SYNE1: variants seen among roughly 807,000 people sequenced by gnomAD.
The protein encoded by SYNE1 is nesprin-1.
A neutral mutation model predicts 1,111.0 loss-of-function variants in SYNE1; 616 were observed. That is an observed-to-expected ratio of 0.55 (90% confidence interval 0.52 to 0.59). SYNE1 has a LOEUF of 0.59. Among genes scored for constraint, SYNE1 ranks in the 20% least tolerant of loss-of-function variants. The probability of loss-of-function intolerance (pLI) is 0.00; values close to 1 mark genes in which losing one functional copy is unlikely to be tolerated. For missense variants in SYNE1, 10,006 were observed against 10,417.0 expected, an observed-to-expected ratio of 0.96 and a Z score of 1.72; for synonymous variants, 3,855 against 3,825.8, an observed-to-expected ratio of 1.01 and a Z score of -0.28.
chr6:152,133,216 A>C (rs2056275767), intron 143 of SYNE1, 60 bp downstream of exon 143: 1 of 1,474,542 alleles, frequency 6.8e-7, no homozygotes, highest in African/African-American at 1.4e-5. Flanking sequence ...ATGCATGAAG[A>C]TGATGCTTCT....
At chr6:152,379,575 C>T (rs756328210) in intron 56 of SYNE1, among the ~76,000 whole-genome samples, 1 of 152,078 alleles carries the variant, frequency 6.6e-6, no homozygotes, top group African/African-American at 2.4e-5. Context: ...CTTACATATT[C>T]ATTGTGATAG....
intron 140 of SYNE1, 94 bp downstream of exon 140, chr6:152,139,856 T>C: frequency 7.4e-7 from 1 of 1,346,684 alleles, no homozygotes; most frequent in Non-Finnish European, 1.1e-6. Context: ...TCTGCTGCTG[T>C]GTAAGAGCAG....
At chr6:152,539,138 T>C (rs2099257841) in intron 4 of SYNE1, among the ~76,000 whole-genome samples, 2 of 152,186 alleles carry the variant, frequency 1.3e-5, no homozygotes, top group African/African-American at 4.8e-5. Flanking sequence ...AATTTGAAGA[T>C]AAAATTGTTT....
At chr6:152,156,544 T>C (rs1055775038) in intron 131 of SYNE1, among the ~76,000 whole-genome samples, 11 of 152,186 alleles carry the variant, frequency 7.2e-5, no homozygotes, top group African/African-American at 2.7e-4. Context: ...AGTATTTGCA[T>C]ACCTCCTACA....
intron 5 of SYNE1, among the ~76,000 whole-genome samples, chr6:152,525,110 G>T (rs1405700): frequency 0.047 from 7,179 of 152,198 alleles, 233 homozygotes; most frequent in Non-Finnish European, 0.066. Flanking sequence ...TCTGCTACCT[G>T]GGAATCCAAT....
rs1299437105 is a variant in SYNE1 at position 152,230,714 on chromosome 6, C to T, written c.21040-12G>A. ...TCCAACAGCTGGATCTGAACAAACA[C>T]AATAAAATGAAATTTGCAACTTTAT... On this transcript the variant is annotated splice_polypyrimidine_tract_variant and intron_variant, in intron 114 of 145. Coordinates refer to ENST00000367255, the MANE Select transcript of SYNE1 (RefSeq NM_182961.4). 1.5e-5 allele frequency: 25 copies of T among 1,613,374 alleles called. No homozygotes were observed. Among genetic ancestry groups the T allele is most frequent in the Non-Finnish European group, 2.1e-5 (25 of 1,179,664 alleles).
intron 143 of SYNE1, among the ~76,000 whole-genome samples, chr6:152,132,947 A>T (rs1447200468): frequency 1.3e-5 from 2 of 152,090 alleles, no homozygotes; most frequent in African/African-American, 4.8e-5. Flanking sequence ...CTCAGATACA[A>T]CAATTGGTTT....
intron 48 of SYNE1, among the ~76,000 whole-genome samples, chr6:152,398,957 C>T (rs1357176200): frequency 1.3e-5 from 2 of 152,142 alleles, no homozygotes; most frequent in Non-Finnish European, 2.9e-5. Context: ...AGAGGAAAGA[C>T]TAAAAAGAAA....
chr6:152,190,594 C>A (rs150634175), intron 127 of SYNE1, among the ~76,000 whole-genome samples: 4 of 152,090 alleles, frequency 2.6e-5, no homozygotes, highest in Non-Finnish European at 5.9e-5. Context: ...TCCATTTATA[C>A]CCTTTTATTT....
chr6:152,629,522 C>CGGGGGT (rs2099693512), intron 2 of SYNE1, among the ~76,000 whole-genome samples: 1 of 6,138 alleles, frequency 1.6e-4, no homozygotes. Flanking sequence ...GTTTCATTGC[C>CGGGGGT]GGGGGGGGGG....
intron 78 of SYNE1, among the ~76,000 whole-genome samples, chr6:152,327,548 C>T (rs2096109832): frequency 6.6e-6 from 1 of 152,072 alleles, no homozygotes; most frequent in Non-Finnish European, 1.5e-5. Context: ...ACTGTGCAAG[C>T]GAAGATGCAT....
chr6:152,604,579 C>T (rs1173327180), intron 3 of SYNE1, among the ~76,000 whole-genome samples: 1 of 152,108 alleles, frequency 6.6e-6, no homozygotes, highest in African/African-American at 2.4e-5. Context: ...GCTAGAATTA[C>T]AGGCATGAGC....
At chr6:152,184,266 T>C (rs913087944) in intron 128 of SYNE1, among the ~76,000 whole-genome samples, 1 of 151,962 alleles carries the variant, frequency 6.6e-6, no homozygotes, top group African/African-American at 2.4e-5. Flanking sequence ...TGAAACCACA[T>C]CACTATTAAA....
chr6:152,461,374 T>C (rs1166391364), intron 21 of SYNE1, among the ~76,000 whole-genome samples: 2 of 152,182 alleles, frequency 1.3e-5, no homozygotes, highest in Non-Finnish European at 2.9e-5. Flanking sequence ...TCTATTAAAA[T>C]ATAGCTATAA....
rs189216111 is a variant in SYNE1 at position 152,256,191 on chromosome 6, C to T, written c.19104+443G>A. On this transcript the variant is annotated intron_variant, in intron 102 of 145. Transcript: ENST00000367255. ...ATCCCAGCACTTTGGGAGGCTGAGG[C>T]GGGCGGATCACGAGGTCAGGAGATC... Among the ~76,000 whole-genome samples, 329 of 152,056 alleles carry T rather than the reference C, an allele frequency of 2.2e-3. 1 individual carries two copies. Among genetic ancestry groups the T allele is most frequent in the African/African-American group, 7.7e-3 (321 of 41,514 alleles).
intron 128 of SYNE1, among the ~76,000 whole-genome samples, chr6:152,181,648 C>A (rs2068117060): frequency 6.6e-6 from 1 of 152,132 alleles, no homozygotes. Flanking sequence ...TACTTCATTC[C>A]CTTTATTGCT....
chr6:152,409,912 C>A (rs997575687), intron 42 of SYNE1, among the ~76,000 whole-genome samples: 2 of 152,176 alleles, frequency 1.3e-5, no homozygotes, highest in African/African-American at 4.8e-5. Flanking sequence ...GGTATGCACG[C>A]AACCACTGAA....
chr6:152,593,830 T>C (rs1213454205), intron 3 of SYNE1, among the ~76,000 whole-genome samples: 1 of 152,098 alleles, frequency 6.6e-6, no homozygotes, highest in East Asian at 1.9e-4. Context: ...ACTTACAGGG[T>C]TGTGAAAATC....
In SYNE1 at chr6:152,254,883, G is replaced by C; in HGVS notation, c.19467C>G (p.Phe6489Leu). ...MKERLQQILN[F>L]QNDLKVLFTS... ...CCTTTGATAATATCTTACTTACCTG[G>C]AAATTTAGTATTTGCTGAAGTCTTT... Residue 6489 changes from phenylalanine to leucine, a missense_variant, in exon 104 of 146, where the codon TTC becomes TTG. By Grantham distance (22) the Phe-to-Leu change is conservative. Coordinates refer to ENST00000367255, the MANE Select transcript of SYNE1 (RefSeq NM_182961.4). 1.9e-6 allele frequency: 3 copies of C among 1,613,066 alleles called. No individual in the cohort carries two copies. The highest frequency in any genetic ancestry group is 2.5e-6 in the Non-Finnish European group (3 of 1,179,474).
Sources: gnomAD v4.1 joint callset for allele counts (sites outside exome capture counted in the v4.1 genomes callset) on GRCh38, gnomAD v4.1.1 for gene constraint, MANE v1.5 for transcripts, NCBI Gene and HGNC (gene_info 2026-07-23, HGNC 2026-07-21) for gene names.